SPECC1: variants seen among roughly 807,000 people sequenced by gnomAD.
SPECC1 encodes cytospin-B.
In SPECC1, 62 loss-of-function variants were observed where a neutral mutation model predicts 104.1. The observed-to-expected ratio is 0.60, with a 90% confidence interval of 0.49 to 0.74. SPECC1 has a LOEUF of 0.74. SPECC1 is among the 30% of genes least tolerant of loss of function. The pLI is 0.00. For synonymous variants in SPECC1, 513 were observed against 501.6 expected, an observed-to-expected ratio of 1.02 and a Z score of -0.30; for missense variants, 1,306 against 1,310.5, an observed-to-expected ratio of 1.00 and a Z score of 0.05.
At chr17:20,201,161 GT>G (rs1372982647) in intron 3 of SPECC1, among the ~76,000 whole-genome samples, 3 of 151,850 alleles carry the variant, frequency 2.0e-5, no homozygotes, top group African/African-American at 4.8e-5. Flanking sequence ...ACAATTGAAG[GT>G]TTAAAAAAAA....
intron 1 of SPECC1, among the ~76,000 whole-genome samples, chr17:20,051,521 A>C (rs758250655): frequency 6.6e-6 from 1 of 152,068 alleles, no homozygotes; most frequent in African/African-American, 2.4e-5. Flanking sequence ...TTCTGTCCTG[A>C]ATTTGTTATA....
chr17:20,297,950 T>C (rs749914783), intron 13 of SPECC1, among the ~76,000 whole-genome samples: 18 of 152,188 alleles, frequency 1.2e-4, no homozygotes, highest in Non-Finnish European at 5.9e-5. Flanking sequence ...AGTAAAATTA[T>C]AAATTAGCAA....
intron 14 of SPECC1, among the ~76,000 whole-genome samples, chr17:20,307,971 T>G (rs1230623295): frequency 6.6e-6 from 1 of 152,028 alleles, no homozygotes; most frequent in East Asian, 1.9e-4. Context: ...TACAACCTAG[T>G]AGGAAATTAT....
At chr17:20,201,974 A>G (rs1444456666) in intron 3 of SPECC1, among the ~76,000 whole-genome samples, 3 of 152,254 alleles carry the variant, frequency 2.0e-5, no homozygotes, top group Non-Finnish European at 4.4e-5. Flanking sequence ...TATGTCATGA[A>G]TGCATAAAAT....
At chr17:20,180,824 A>G (rs1157342737) in intron 3 of SPECC1, among the ~76,000 whole-genome samples, 1 of 152,226 alleles carries the variant, frequency 6.6e-6, no homozygotes, top group Non-Finnish European at 1.5e-5. Flanking sequence ...TGTATTGCAT[A>G]TGTTGCAAAC....
chr17:20,259,367 C>T (rs1469382323), intron 11 of SPECC1, among the ~76,000 whole-genome samples: 1 of 152,100 alleles, frequency 6.6e-6, no homozygotes. Context: ...TATGAATATG[C>T]TATTGATATT....
At position 20,194,504 on chromosome 17, in the gene SPECC1, T is replaced by TA. The variant is rs1323092323; in HGVS notation, c.284-9829_284-9828insA. Among the ~76,000 whole-genome samples, 194 of 107,680 alleles carry TA rather than the reference T, an allele frequency of 1.8e-3. 29 individuals carry two copies. The highest frequency in any genetic ancestry group is 9.0e-3 in the East Asian group (27 of 2,992). 70.6% of individuals were successfully genotyped at this position (107,680 alleles called of 152,430 possible). A position where few individuals can be genotyped will look rare whatever the true frequency, so the allele number is the denominator to read the frequency against. ...TGTTCTGTTAGAAAAGAGAACGAAT[T>TA]TTTTTTTTTTTTTTTTTTTTTGAGA... is the stretch of plus-strand genomic sequence containing the variant. On this transcript the variant is annotated intron_variant, in intron 3 of 14. Coordinates refer to ENST00000395527, the MANE Select transcript of SPECC1 (RefSeq NM_001243439.2).
At chr17:20,300,796 A>G (rs2041552301) in intron 13 of SPECC1, among the ~76,000 whole-genome samples, 1 of 152,200 alleles carries the variant, frequency 6.6e-6, no homozygotes, top group Non-Finnish European at 1.5e-5. Context: ...TTTCTTCCCC[A>G]GACCAATCAC....
chr17:20,265,499 A>G (rs533893205), intron 12 of SPECC1, among the ~76,000 whole-genome samples: 1 of 152,086 alleles, frequency 6.6e-6, no homozygotes, highest in South Asian at 2.1e-4. Flanking sequence ...GATTCTGGAT[A>G]TTAGATGCAT....
At chr17:20,128,165 A>C (rs2049417478) in intron 3 of SPECC1, among the ~76,000 whole-genome samples, 1 of 152,198 alleles carries the variant, frequency 6.6e-6, no homozygotes, top group Admixed American at 6.5e-5. Flanking sequence ...TTGCTGCCTT[A>C]AGCTTGAATG....
intron 1 of SPECC1, among the ~76,000 whole-genome samples, chr17:20,068,076 C>G (rs1401873927): frequency 6.6e-6 from 1 of 152,078 alleles, no homozygotes; most frequent in Non-Finnish European, 1.5e-5. Context: ...TGCCATCCTC[C>G]CACCTCAGCC....
At chr17:20,111,057 G>C (rs1241144424) in intron 3 of SPECC1, among the ~76,000 whole-genome samples, 1 of 152,058 alleles carries the variant, frequency 6.6e-6, no homozygotes, top group African/African-American at 2.4e-5. Context: ...CCTTCTCAGT[G>C]TTACTCATTT....
intron 5 of SPECC1, among the ~76,000 whole-genome samples, chr17:20,229,117 C>T (rs1020240821): frequency 6.6e-6 from 1 of 152,198 alleles, no homozygotes; most frequent in South Asian, 2.1e-4. Flanking sequence ...TCGGGTCAGA[C>T]AGAGACACTT....
intron 3 of SPECC1, among the ~76,000 whole-genome samples, chr17:20,120,569 G>A (rs1035139270): frequency 6.6e-6 from 1 of 152,074 alleles, no homozygotes; most frequent in African/African-American, 2.4e-5. Context: ...TCTTTTCACA[G>A]GAAATCAACT....
intron 12 of SPECC1, among the ~76,000 whole-genome samples, chr17:20,261,871 A>G (rs1354968628): frequency 6.6e-6 from 1 of 152,012 alleles, no homozygotes; most frequent in Admixed American, 6.6e-5. Flanking sequence ...TGCAGTCACC[A>G]CTCCCATCCA....
intron 1 of SPECC1, among the ~76,000 whole-genome samples, chr17:20,054,154 A>C (rs1012863253): frequency 6.6e-6 from 1 of 152,092 alleles, no homozygotes; most frequent in African/African-American, 2.4e-5. Flanking sequence ...CTTTTAATCT[A>C]TTCCCCATAC....
At chr17:20,304,693 G>A (rs1261053281) in intron 13 of SPECC1, among the ~76,000 whole-genome samples, 1 of 152,082 alleles carries the variant, frequency 6.6e-6, no homozygotes, top group Non-Finnish European at 1.5e-5. Context: ...TAGAATGGGG[G>A]TAAAATCCAA....
At chr17:20,305,870 C>G in intron 13 of SPECC1, 153 bp from the exon 14 acceptor site, 4 of 532,728 alleles carry the variant, frequency 7.5e-6, no homozygotes, top group East Asian at 3.4e-5. Flanking sequence ...TTTTTTTTTT[C>G]TTAAACTGAG....
In SPECC1 at chr17:20,250,501, G is replaced by T. The variant is rs537761389; in HGVS notation, c.2599-3004G>T. ...TATTACTACTTTGTGCTATAAATTAGAAAATATTGATGAAATGGTCAAAAT... is the reference window on the plus strand; with the variant it reads ...TATTACTACTTTGTGCTATAAATTATAAAATATTGATGAAATGGTCAAAAT... On this transcript the variant is annotated intron_variant, in intron 9 of 14. Coordinates refer to ENST00000395527, the MANE Select transcript of SPECC1 (RefSeq NM_001243439.2). Among the ~76,000 whole-genome samples the T allele has an allele frequency of 4.6e-5, 7 of 152,266 alleles. 1 individual carries two copies. The South Asian group carries it at 8.3e-4, about 18-fold the overall frequency.
Sources: gnomAD v4.1 joint callset for allele counts (sites outside exome capture counted in the v4.1 genomes callset) on GRCh38, gnomAD v4.1.1 for gene constraint, MANE v1.5 for transcripts, NCBI Gene and HGNC (gene_info 2026-07-23, HGNC 2026-07-21) for gene names.